Variants in ADGRB3 observed in about 807,000 individuals in gnomAD.
The protein encoded by ADGRB3 is brain-specific angiogenesis inhibitor 3.
A neutral mutation model predicts 193.4 loss-of-function variants in ADGRB3; 37 were observed. The ratio of observed to expected loss-of-function variants is 0.19; its 90% CI spans 0.15 to 0.25. The LOEUF is 0.25. ADGRB3 is among the 10% of genes least tolerant of loss of function. The probability of loss-of-function intolerance (pLI) is 1.00; values close to 1 mark genes in which losing one functional copy is unlikely to be tolerated. For synonymous variants in ADGRB3, 690 were observed against 644.2 expected (o/e 1.07, Z -1.08); for missense variants, 1,637 against 1,852.9 (o/e 0.88, Z 2.14).
chr6:69,115,264 C>T (rs527711177), intron 17 of ADGRB3, among the ~76,000 whole-genome samples: 1 of 152,266 alleles, frequency 6.6e-6, no homozygotes, highest in Non-Finnish European at 1.5e-5. Flanking sequence ...ACTATGCAGC[C>T]ATAGAAAAGG....
chr6:68,677,967 A>G (rs1456236021), intron 3 of ADGRB3, among the ~76,000 whole-genome samples: 1 of 150,788 alleles, frequency 6.6e-6, no homozygotes, highest in Non-Finnish European at 1.5e-5. Flanking sequence ...TTTTAATTTG[A>G]TGAGATATCA....
At chr6:68,962,385 A>G (rs1768260786) in intron 8 of ADGRB3, among the ~76,000 whole-genome samples, 2 of 152,200 alleles carry the variant, frequency 1.3e-5, no homozygotes, top group Admixed American at 1.3e-4. Context: ...TACTGTGGCT[A>G]CAGTATGTAT....
In ADGRB3 at chr6:69,138,576, G is replaced by A. The variant is rs185762938; in HGVS notation, c.2480+62538G>A. On this transcript the variant is annotated intron_variant, in intron 17 of 31. Transcript: ENST00000370598. ...GATTCTTTCATAAATTATTTTCTTG[G>A]AAAAGGAAATTGGCTCAATGTCAGG... Among the ~76,000 whole-genome samples the A allele has an allele frequency of 3.8e-3, 573 of 152,192 alleles. 5 individuals are homozygous for A. The highest frequency in any genetic ancestry group is 0.017 in the Middle Eastern group (5 of 294).
intron 20 of ADGRB3, among the ~76,000 whole-genome samples, chr6:69,310,071 C>T (rs923062468): frequency 3.3e-5 from 5 of 151,734 alleles, no homozygotes; most frequent in Non-Finnish European, 7.4e-5. Flanking sequence ...AGCTCATCCA[C>T]ATTACTTTAA....
chr6:69,202,536 C>A (rs749239256), intron 17 of ADGRB3, among the ~76,000 whole-genome samples: 1 of 152,024 alleles, frequency 6.6e-6, no homozygotes, highest in Non-Finnish European at 1.5e-5. Context: ...ACAACTTGCA[C>A]CTGCAATATT....
chr6:69,093,699 G>A (rs574446346), intron 17 of ADGRB3, among the ~76,000 whole-genome samples: 29 of 151,352 alleles, frequency 1.9e-4, no homozygotes, highest in Middle Eastern at 3.4e-3. Flanking sequence ...GGAAACCTAC[G>A]TTCAGGGGCT....
chr6:68,848,355 A>G (rs1029800789), intron 3 of ADGRB3, among the ~76,000 whole-genome samples: 3 of 152,168 alleles, frequency 2.0e-5, no homozygotes, highest in African/African-American at 4.8e-5. Flanking sequence ...TCTACAAATC[A>G]AAGGGGAAAT....
At chr6:69,039,457 T>A (rs1770966215) in intron 13 of ADGRB3, among the ~76,000 whole-genome samples, 1 of 152,110 alleles carries the variant, frequency 6.6e-6, no homozygotes, top group Non-Finnish European at 1.5e-5. Flanking sequence ...GTAGGCAAGC[T>A]TTTTCTGTAA....
At chr6:69,174,066 A>T (rs1775359761) in intron 17 of ADGRB3, among the ~76,000 whole-genome samples, 1 of 588 alleles carries the variant, frequency 1.7e-3, no homozygotes, top group Non-Finnish European at 3.2e-3. Context: ...TTACTCATGT[A>T]CTTTTTTCTT....
intron 3 of ADGRB3, among the ~76,000 whole-genome samples, chr6:68,668,386 A>G (rs1448954141): frequency 6.6e-6 from 1 of 152,032 alleles, no homozygotes; most frequent in African/African-American, 2.4e-5. Context: ...ACAGGAATTC[A>G]TATTAGGAAG....
chr6:69,342,694 C>T (rs2127321399), intron 26 of ADGRB3, among the ~76,000 whole-genome samples: 1 of 152,020 alleles, frequency 6.6e-6, no homozygotes, highest in East Asian at 1.9e-4. Flanking sequence ...TAAAGACATA[C>T]CAAAGAAAAT....
intron 8 of ADGRB3, among the ~76,000 whole-genome samples, chr6:68,964,757 A>G (rs539096147): frequency 2.6e-5 from 4 of 152,342 alleles, no homozygotes; most frequent in Non-Finnish European, 5.9e-5. Flanking sequence ...ATGAGTAAGT[A>G]TATATAACAC....
At chr6:68,738,521 T>C (rs1345721537) in intron 3 of ADGRB3, among the ~76,000 whole-genome samples, 1 of 151,974 alleles carries the variant, frequency 6.6e-6, no homozygotes, top group African/African-American at 2.4e-5. Flanking sequence ...TGAACAAAGG[T>C]GATAATTTTG....
intron 16 of ADGRB3, among the ~76,000 whole-genome samples, chr6:69,073,277 C>G (rs1282737405): frequency 6.6e-6 from 1 of 152,062 alleles, no homozygotes; most frequent in African/African-American, 2.4e-5. Context: ...AGGGCAGAAG[C>G]TGCAGGGAGG....
intron 3 of ADGRB3, among the ~76,000 whole-genome samples, chr6:68,662,543 A>T (rs1051979491): frequency 6.6e-6 from 1 of 151,000 alleles, no homozygotes; most frequent in African/African-American, 2.4e-5. Context: ...TAAAAATTAT[A>T]AAAAAATTTC....
intron 17 of ADGRB3, among the ~76,000 whole-genome samples, chr6:69,193,809 A>C (rs562471145): frequency 6.6e-6 from 1 of 152,124 alleles, no homozygotes; most frequent in African/African-American, 2.4e-5. Flanking sequence ...TATGTGAACT[A>C]TAAGGCACAG....
At position 69,067,993 on chromosome 6, in the gene ADGRB3, A is replaced by G. The variant is rs1341354876; in HGVS notation, c.2436+4957A>G. Among the ~76,000 whole-genome samples, 9 of 152,182 alleles carry G rather than the reference A, an allele frequency of 5.9e-5. No homozygotes were observed. The East Asian group carries it at 1.3e-3, about 23-fold the overall frequency. On this transcript the variant is annotated intron_variant, in intron 16 of 31. Transcript: ENST00000370598. ...AAAGAATTTCAGACATGAGAGCCATAATGGCTTCTGTCACATCCACTGAAA... is the reference window on the plus strand; with the variant it reads ...AAAGAATTTCAGACATGAGAGCCATGATGGCTTCTGTCACATCCACTGAAA...
intron 17 of ADGRB3, among the ~76,000 whole-genome samples, chr6:69,217,685 T>C (rs1037737630): frequency 6.6e-6 from 1 of 152,102 alleles, no homozygotes; most frequent in South Asian, 2.1e-4. Context: ...CATGGGAGAT[T>C]AATAATTTGA....
chr6:68,801,217 G>A (rs574535859), intron 3 of ADGRB3, among the ~76,000 whole-genome samples: 9 of 152,120 alleles, frequency 5.9e-5, no homozygotes, highest in Non-Finnish European at 8.8e-5. Flanking sequence ...TGAATCTTCT[G>A]TTCTTAATAG....
Sources: allele counts gnomAD v4.1 joint callset (sites outside exome capture counted in the v4.1 genomes callset), GRCh38; gene constraint gnomAD v4.1.1; transcripts MANE v1.5; gene names NCBI Gene and HGNC (gene_info 2026-07-23, HGNC 2026-07-21).